DMXL2: variants seen among roughly 807,000 people sequenced by gnomAD.
DMXL2 encodes dmX-like protein 2.
In DMXL2, 103 loss-of-function variants were observed where a neutral mutation model predicts 331.1. The ratio of observed to expected loss-of-function variants is 0.31; its 90% CI spans 0.27 to 0.37. The LOEUF is 0.37. Among genes scored for constraint, DMXL2 ranks in the 10% least tolerant of loss-of-function variants. DMXL2 has a pLI of 1.00. For missense variants in DMXL2, 3,171 were observed against 3,642.9 expected, an observed-to-expected ratio of 0.87 and a Z score of 3.33; for synonymous variants, 1,281 against 1,252.1, an observed-to-expected ratio of 1.02 and a Z score of -0.49.
intron 1 of DMXL2, among the ~76,000 whole-genome samples, chr15:51,579,340 TAA>T (rs2051253641): frequency 6.6e-6 from 1 of 152,158 alleles, no homozygotes; most frequent in East Asian, 1.9e-4. Flanking sequence ...GGGCATTTTC[TAA>T]AGAGTCTAAT....
intron 1 of DMXL2, among the ~76,000 whole-genome samples, chr15:51,620,339 CACAG>C (rs2054549178): frequency 6.6e-6 from 1 of 152,160 alleles, no homozygotes; most frequent in Non-Finnish European, 1.5e-5. Flanking sequence ...ATAACAGTGT[CACAG>C]GCAGGCATCC....
chr15:51,587,559 A>T (rs1449870790), intron 1 of DMXL2, among the ~76,000 whole-genome samples: 1 of 152,184 alleles, frequency 6.6e-6, no homozygotes, highest in Non-Finnish European at 1.5e-5. Context: ...TTCTTAATCC[A>T]GTCTATCATT....
At chr15:51,449,248 A>C in intron 43 of DMXL2, 55 bp from the exon 44 acceptor site, 7 of 1,575,724 alleles carry the variant, frequency 4.4e-6, no homozygotes, top group Non-Finnish European at 5.2e-6. Context: ...AAAAGCAAAA[A>C]CATGGCCCTT....
chr15:51,478,029 A>G (rs545889664), intron 26 of DMXL2, among the ~76,000 whole-genome samples: 1 of 152,224 alleles, frequency 6.6e-6, no homozygotes, highest in Admixed American at 6.5e-5. Context: ...TCTTAAAAAC[A>G]AAAAGGATGG....
chr15:51,522,460 T>C (rs1191010594), intron 13 of DMXL2, among the ~76,000 whole-genome samples: 1 of 151,960 alleles, frequency 6.6e-6, no homozygotes, highest in African/African-American at 2.4e-5. Context: ...GCCTGGCCAA[T>C]ATGGTGAAAC....
intron 1 of DMXL2, among the ~76,000 whole-genome samples, chr15:51,578,427 T>C (rs2051191216): frequency 6.6e-6 from 1 of 152,200 alleles, no homozygotes; most frequent in Admixed American, 6.5e-5. Context: ...CTTCCCTAGA[T>C]AACCATAATT....
intron 24 of DMXL2, 107 bp from the exon 25 acceptor site, chr15:51,480,246 C>A (rs1240215021): frequency 8.7e-7 from 1 of 1,147,726 alleles, no homozygotes; most frequent in South Asian, 1.9e-5. Flanking sequence ...TATGTTCGCT[C>A]ACTCATTCTA....
At chr15:51,449,384 A>G (rs562761641) in intron 43 of DMXL2, among the ~76,000 whole-genome samples, 191 bp from the exon 44 acceptor site, 1 of 152,228 alleles carries the variant, frequency 6.6e-6, no homozygotes, top group Non-Finnish European at 1.5e-5. Context: ...TCCTCCTTCC[A>G]TATTTTCCTT....
chr15:51,594,238 C>T (rs189445855), intron 1 of DMXL2, among the ~76,000 whole-genome samples: 111 of 152,204 alleles, frequency 7.3e-4, no homozygotes, highest in African/African-American at 2.5e-3. Flanking sequence ...GGGATATCAC[C>T]ACTGATCCCA....
At chr15:51,457,549 A>C (rs1595885506) in intron 36 of DMXL2, 83 bp from the exon 37 acceptor site, 1 of 1,470,938 alleles carries the variant, frequency 6.8e-7, no homozygotes, top group East Asian at 2.3e-5. Context: ...TTATGTACCC[A>C]TAGGACAATC....
chr15:51,510,201 G>A (rs564520532), intron 15 of DMXL2, among the ~76,000 whole-genome samples: 1 of 152,258 alleles, frequency 6.6e-6, no homozygotes, highest in Admixed American at 6.5e-5. Flanking sequence ...TGAAAGTTCT[G>A]GCCAGGGCAA....
At chr15:51,469,245 A>G (rs1000284795) in intron 29 of DMXL2, among the ~76,000 whole-genome samples, 4 of 151,692 alleles carry the variant, frequency 2.6e-5, no homozygotes, top group Non-Finnish European at 5.9e-5. Context: ...AAATTTCATG[A>G]TGTTTGGATT....
Position 51,480,844 on chromosome 15 carries a change from A to G in DMXL2, c.6262T>C (p.Cys2088Arg), listed in dbSNP as rs1286974894. The change falls in exon 24 of 44, where the codon TGT (cysteine) becomes CGT (arginine). Residue 2088 changes from cysteine (C) to arginine (R), a missense_variant. Physicochemically the swap from Cys to Arg is radical, Grantham distance 180. Coordinates refer to ENST00000560891, the MANE Select transcript of DMXL2 (RefSeq NM_001378457.1). ...TCTTTAATAACTGATTCATGATTAC[A>G]TATCTCATGCAAGGCAGCAATTTCC... ...EKEIAALHEI[C>R]NHESVIKEYS... 2 of 1,613,078 alleles carry G rather than the reference A, an allele frequency of 1.2e-6. No individual in the cohort carries two copies. The highest frequency in any genetic ancestry group is 1.7e-6 in the Non-Finnish European group (2 of 1,179,588).
intron 8 of DMXL2, 140 bp from the exon 9 acceptor site, chr15:51,542,647 A>G: frequency 1.6e-6 from 1 of 612,776 alleles, no homozygotes; most frequent in Non-Finnish European, 2.7e-6. Context: ...TTTAAATTAC[A>G]GTAGAACTAT....
intron 24 of DMXL2, 58 bp from the exon 25 acceptor site, chr15:51,480,197 C>T: frequency 7.0e-7 from 1 of 1,418,678 alleles, no homozygotes. Context: ...TATCAGTTCT[C>T]TGACAGAAAT....
At chr15:51,466,441 CAT>C in intron 29 of DMXL2, 130 bp from the exon 30 acceptor site, 1 of 327,116 alleles carries the variant, frequency 3.1e-6, no homozygotes. Flanking sequence ...TTTGTTCTAA[CAT>C]AAAAGTAAAC....
chr15:51,458,361 C>T, intron 36 of DMXL2, 145 bp downstream of exon 36: 1 of 758,970 alleles, frequency 1.3e-6, no homozygotes, highest in Middle Eastern at 4.0e-4. Context: ...AAGACTTTCA[C>T]TGGCAGCTAA....
intron 8 of DMXL2, among the ~76,000 whole-genome samples, chr15:51,544,046 AAC>A (rs2048753515): frequency 6.6e-6 from 1 of 152,218 alleles, no homozygotes. Context: ...AATAAAAGAT[AAC>A]TTTAACTGTT....
chr15:51,504,451 G>A (rs1426138152), intron 16 of DMXL2, among the ~76,000 whole-genome samples: 1 of 152,164 alleles, frequency 6.6e-6, no homozygotes, highest in Non-Finnish European at 1.5e-5. Context: ...CTTCCAGTGA[G>A]TGTAAATCTC....
Sources: gnomAD v4.1 joint callset for allele counts (sites outside exome capture counted in the v4.1 genomes callset) on GRCh38, gnomAD v4.1.1 for gene constraint, MANE v1.5 for transcripts, NCBI Gene and HGNC (gene_info 2026-07-23, HGNC 2026-07-21) for gene names.